The following HS3ST5 variants were observed in gnomAD, a reference collection of about 807,000 sequenced individuals.
The protein encoded by HS3ST5 is heparan sulfate glucosamine 3-O-sulfotransferase 5.
In HS3ST5, 10 loss-of-function variants were observed where a neutral mutation model predicts 25.4. That is an observed-to-expected ratio of 0.39 (90% CI 0.24 to 0.67). The LOEUF (loss-of-function observed/expected upper bound fraction) is 0.67, where lower values mean the gene tolerates loss of function less well. Ranked by LOEUF, HS3ST5 falls within the 30% of genes least tolerant of loss-of-function variation. The pLI is 0.44. For missense variants in HS3ST5, 324 were observed against 420.7 expected (o/e 0.77, Z 2.01); for synonymous variants, 170 against 162.4 (o/e 1.05, Z -0.36).
intron 1 of HS3ST5, among the ~76,000 whole-genome samples, chr6:114,297,848 A>G (rs1023796874): frequency 6.6e-6 from 1 of 152,238 alleles, no homozygotes; most frequent in Non-Finnish European, 1.5e-5. Flanking sequence ...AATGAATACA[A>G]TAGAATCTGA....
chr6:114,282,773 T>A (rs987141333), intron 1 of HS3ST5, among the ~76,000 whole-genome samples: 2 of 152,056 alleles, frequency 1.3e-5, no homozygotes, highest in African/African-American at 4.8e-5. Flanking sequence ...AGGACCACTT[T>A]GGTAAGCTTT....
chr6:114,323,184 A>G (rs563957648), intron 1 of HS3ST5, among the ~76,000 whole-genome samples: 3 of 152,296 alleles, frequency 2.0e-5, no homozygotes, highest in East Asian at 1.9e-4. Flanking sequence ...ATAAGGAGCC[A>G]TGCCCCAGAA....
At chr6:114,107,338 G>A (rs1047403615) in intron 3 of HS3ST5, among the ~76,000 whole-genome samples, 1 of 152,080 alleles carries the variant, frequency 6.6e-6, no homozygotes, top group African/African-American at 2.4e-5. Context: ...AAAATCCAAC[G>A]TCCATTTCTG....
intron 1 of HS3ST5, among the ~76,000 whole-genome samples, chr6:114,292,324 C>T (rs996913897): frequency 3.3e-5 from 5 of 152,234 alleles, no homozygotes; most frequent in East Asian, 1.9e-4. Flanking sequence ...TGCGTTCTCA[C>T]GTGGCAGAAG....
At chr6:114,338,429 A>G (rs957579330) in intron 1 of HS3ST5, among the ~76,000 whole-genome samples, 1 of 151,976 alleles carries the variant, frequency 6.6e-6, no homozygotes, top group African/African-American at 2.4e-5. Context: ...TAAACTCTTC[A>G]ACCATTTCTT....
chr6:114,073,704 C>T (rs1245075124), intron 3 of HS3ST5, among the ~76,000 whole-genome samples: 1 of 151,848 alleles, frequency 6.6e-6, no homozygotes, highest in Non-Finnish European at 1.5e-5. Context: ...GTGTAAACTA[C>T]CTACTAGTTC....
chr6:114,084,044 CT>C (rs981772258), intron 3 of HS3ST5: 9 of 549,964 alleles, frequency 1.6e-5, no homozygotes, highest in Middle Eastern at 4.8e-4. Flanking sequence ...AACACTTGGT[CT>C]TTTTTTATGG....
intron 3 of HS3ST5, among the ~76,000 whole-genome samples, chr6:114,074,888 G>A (rs1238235487): frequency 6.6e-6 from 1 of 152,068 alleles, no homozygotes; most frequent in Non-Finnish European, 1.5e-5. Flanking sequence ...TTCTTAAATT[G>A]CAGTATTAAA....
chr6:114,133,313 G>A (rs1431684501), intron 3 of HS3ST5, among the ~76,000 whole-genome samples: 1 of 152,170 alleles, frequency 6.6e-6, no homozygotes, highest in Non-Finnish European at 1.5e-5. Context: ...GAGAACCTGA[G>A]AGTTTCTCTA....
chr6:114,332,882 G>A (rs1481225320), intron 1 of HS3ST5, among the ~76,000 whole-genome samples: 1 of 152,058 alleles, frequency 6.6e-6, no homozygotes, highest in East Asian at 1.9e-4. Context: ...AGGGAGCATG[G>A]TCCATTCCTT....
intron 2 of HS3ST5, among the ~76,000 whole-genome samples, chr6:114,220,203 T>C (rs1781966682): frequency 6.6e-6 from 1 of 152,054 alleles, no homozygotes; most frequent in Non-Finnish European, 1.5e-5. Flanking sequence ...TCAAGGAAAT[T>C]TAGAATCCAT....
intron 1 of HS3ST5, among the ~76,000 whole-genome samples, chr6:114,245,720 A>C (rs9488349): frequency 0.044 from 6,753 of 152,244 alleles, 223 homozygotes; most frequent in African/African-American, 0.097. Flanking sequence ...CTTGTTTTCA[A>C]GGCAAAATAT....
At chr6:114,237,107 T>C (rs111437183) in intron 1 of HS3ST5, among the ~76,000 whole-genome samples, 24 of 152,192 alleles carry the variant, frequency 1.6e-4, no homozygotes, top group African/African-American at 5.5e-4. Flanking sequence ...TGAAACTCTT[T>C]ACAACAATCA....
intron 3 of HS3ST5, among the ~76,000 whole-genome samples, chr6:114,092,473 G>GTGGCACAATGTATGAGGC (rs1775168528): frequency 8.2e-6 from 1 of 121,504 alleles, no homozygotes; most frequent in South Asian, 3.1e-4. Context: ...TCTGTGGTAA[G>GTGGCACAATGTATGAGGC]TGGCACAATG....
At chr6:114,098,551 A>G (rs377044390) in intron 3 of HS3ST5, among the ~76,000 whole-genome samples, 1 of 148,360 alleles carries the variant, frequency 6.7e-6, no homozygotes, top group South Asian at 2.1e-4. Flanking sequence ...TTTAATATAT[A>G]ATATTAAATT....
At chr6:114,187,056 A>G (rs1207987285) in intron 2 of HS3ST5, among the ~76,000 whole-genome samples, 1 of 152,184 alleles carries the variant, frequency 6.6e-6, no homozygotes, top group Admixed American at 6.5e-5. Context: ...TCCTTCCAAA[A>G]GATCACTGCT....
At chr6:114,101,268 G>C (rs934963633) in intron 3 of HS3ST5, among the ~76,000 whole-genome samples, 27 of 152,066 alleles carry the variant, frequency 1.8e-4, no homozygotes, top group African/African-American at 6.5e-4. Context: ...TATTTATTTA[G>C]GGCAACTCCA....
At chr6:114,132,912 C>T (rs1226828810) in intron 3 of HS3ST5, among the ~76,000 whole-genome samples, 1 of 152,168 alleles carries the variant, frequency 6.6e-6, no homozygotes, top group African/African-American at 2.4e-5. Flanking sequence ...GTTAATGTGT[C>T]TTACACAACA....
intron 1 of HS3ST5, among the ~76,000 whole-genome samples, chr6:114,233,665 T>C (rs545679433): frequency 3.3e-5 from 5 of 152,328 alleles, no homozygotes; most frequent in Admixed American, 6.5e-5. Context: ...AGACATCATT[T>C]ATCCTTGAAA....
Sources: gnomAD v4.1 joint callset for allele counts (sites outside exome capture counted in the v4.1 genomes callset) on GRCh38, gnomAD v4.1.1 for gene constraint, MANE v1.5 for transcripts, NCBI Gene and HGNC (gene_info 2026-07-23, HGNC 2026-07-21) for gene names.